Variants in ADAMTS3 observed in about 807,000 individuals in gnomAD.
ADAMTS3 encodes ADAM metallopeptidase with thrombospondin type 1 motif 3, also known as A disintegrin and metalloproteinase with thrombospondin motifs 3.
A neutral mutation model predicts 129.0 loss-of-function variants in ADAMTS3; 73 were observed. The observed-to-expected ratio is 0.57, with a 90% confidence interval of 0.47 to 0.69. ADAMTS3 has a LOEUF of 0.69. Among genes scored for constraint, ADAMTS3 ranks in the 30% least tolerant of loss-of-function variants. The pLI is 0.00. For synonymous variants in ADAMTS3, 477 were observed against 510.8 expected (o/e 0.93, Z 0.89); for missense variants, 1,457 against 1,514.5 (o/e 0.96, Z 0.63).
chr4:72,358,939 G>T (rs1449943239), intron 4 of ADAMTS3, among the ~76,000 whole-genome samples: 2 of 151,892 alleles, frequency 1.3e-5, no homozygotes, highest in Non-Finnish European at 2.9e-5. Context: ...TACCTAGGCT[G>T]AGTGAAAGGC....
chr4:72,314,258 T>A (rs555668778), intron 11 of ADAMTS3, among the ~76,000 whole-genome samples: 9 of 152,320 alleles, frequency 5.9e-5, no homozygotes, highest in African/African-American at 2.2e-4. Flanking sequence ...TAATATAACA[T>A]GTCTAAAACA....
chr4:72,314,583 C>T (rs6821609), intron 11 of ADAMTS3, among the ~76,000 whole-genome samples: 8,279 of 152,100 alleles, frequency 0.054, 774 homozygotes, highest in African/African-American at 0.19. Context: ...AACTCAACTT[C>T]TATAAATTTC....
At chr4:72,511,003 A>C (rs1720300436) in intron 3 of ADAMTS3, among the ~76,000 whole-genome samples, 1 of 152,132 alleles carries the variant, frequency 6.6e-6, no homozygotes, top group South Asian at 2.1e-4. Context: ...TTTCTACAAA[A>C]GTGCCAAGAA....
intron 8 of ADAMTS3, 102 bp downstream of exon 8, chr4:72,319,756 A>G (rs1719503467): frequency 2.0e-6 from 2 of 1,003,960 alleles, no homozygotes; most frequent in South Asian, 2.9e-5. Flanking sequence ...AAAGACAAGA[A>G]TTGTATGCTG....
intron 3 of ADAMTS3, among the ~76,000 whole-genome samples, chr4:72,547,614 T>C (rs182817779): frequency 7.2e-5 from 11 of 152,184 alleles, no homozygotes; most frequent in African/African-American, 2.7e-4. Flanking sequence ...TCTCAAACTA[T>C]CTATGGTGAA....
intron 3 of ADAMTS3, among the ~76,000 whole-genome samples, chr4:72,516,635 C>T (rs1202605613): frequency 2.0e-5 from 3 of 152,002 alleles, no homozygotes; most frequent in Non-Finnish European, 2.9e-5. Context: ...TGGCTCTCTG[C>T]TAGTCCGTTA....
At chr4:72,519,639 A>C (rs1215251997) in intron 3 of ADAMTS3, among the ~76,000 whole-genome samples, 1 of 152,088 alleles carries the variant, frequency 6.6e-6, no homozygotes, top group Non-Finnish European at 1.5e-5. Context: ...TCGGCTCCTG[A>C]GGCTTCTGCA....
At chr4:72,547,859 C>T (rs1721504335) in intron 3 of ADAMTS3, among the ~76,000 whole-genome samples, 1 of 152,098 alleles carries the variant, frequency 6.6e-6, no homozygotes, top group South Asian at 2.1e-4. Context: ...TGTCACAAAC[C>T]TGAGTCTACG....
chr4:72,433,686 C>T (rs945093284), intron 3 of ADAMTS3, among the ~76,000 whole-genome samples: 5 of 151,802 alleles, frequency 3.3e-5, no homozygotes, highest in African/African-American at 9.7e-5. Flanking sequence ...TGTGCTACTA[C>T]CAAAATATGT....
chr4:72,430,675 G>A (rs1327721250), intron 3 of ADAMTS3, among the ~76,000 whole-genome samples: 1 of 151,886 alleles, frequency 6.6e-6, no homozygotes, highest in Non-Finnish European at 1.5e-5. Flanking sequence ...TACAACGATG[G>A]AAAACTGCAA....
chr4:72,423,251 T>C (rs1279139345), intron 3 of ADAMTS3, among the ~76,000 whole-genome samples: 2 of 152,192 alleles, frequency 1.3e-5, no homozygotes, highest in African/African-American at 4.8e-5. Context: ...TACAACCTTA[T>C]ACTAGTTCAT....
At chr4:72,411,797 T>G (rs1227224020) in intron 4 of ADAMTS3, among the ~76,000 whole-genome samples, 2 of 152,122 alleles carry the variant, frequency 1.3e-5, no homozygotes, top group Non-Finnish European at 2.9e-5. Context: ...AATTCTCTAG[T>G]CTTCTAGATT....
In ADAMTS3 at chr4:72,320,043, G is replaced by A. The variant is rs1206695742; in HGVS notation, c.1103-80C>T. The A allele has an allele frequency of 3.4e-6, 4 of 1,173,680 alleles. No individual in the cohort carries two copies. In the African/African-American group the frequency reaches 4.6e-5, roughly 14 times the overall value. The allele number at this position is 1,173,680 out of a possible 1,614,324, so 72.7% of individuals were successfully genotyped here. A position where few individuals can be genotyped will look rare whatever the true frequency, so the allele number is the denominator to read the frequency against. On this transcript the variant is annotated intron_variant, in intron 7 of 21. Transcript: ENST00000286657. ...ATTACAACTGGACTTTTGCCTAGGG[G>A]GAAAAAAGTAAAAGCCTTTCAGGAA...
chr4:72,377,686 G>A (rs1373527275), intron 4 of ADAMTS3, among the ~76,000 whole-genome samples: 1 of 152,130 alleles, frequency 6.6e-6, no homozygotes, highest in African/African-American at 2.4e-5. Context: ...CTGCCACCTT[G>A]GGCTGCTTAG....
chr4:72,451,451 T>TA (rs1328283925), intron 3 of ADAMTS3, among the ~76,000 whole-genome samples: 1 of 151,740 alleles, frequency 6.6e-6, no homozygotes, highest in Non-Finnish European at 1.5e-5. Context: ...AGAAAATACA[T>TA]AAAATCTACA....
intron 20 of ADAMTS3, among the ~76,000 whole-genome samples, chr4:72,289,892 T>C (rs1718612628): frequency 6.6e-6 from 1 of 152,176 alleles, no homozygotes; most frequent in African/African-American, 2.4e-5. Flanking sequence ...ACTTTTGTTC[T>C]TTATAAATTA....
At chr4:72,318,454 A>C (rs969884027) in intron 10 of ADAMTS3, 118 bp downstream of exon 10, 2 of 1,100,320 alleles carry the variant, frequency 1.8e-6, no homozygotes, top group African/African-American at 3.2e-5. Context: ...CACAATGAAC[A>C]CAAAATAACT....
At chr4:72,394,915 T>C (rs1461193858) in intron 4 of ADAMTS3, among the ~76,000 whole-genome samples, 3 of 151,858 alleles carry the variant, frequency 2.0e-5, no homozygotes, top group Non-Finnish European at 4.4e-5. Context: ...CTCCAACATA[T>C]ACGCACATTT....
At chr4:72,393,699 A>T (rs1458068381) in intron 4 of ADAMTS3, among the ~76,000 whole-genome samples, 3 of 152,342 alleles carry the variant, frequency 2.0e-5, no homozygotes, top group Non-Finnish European at 4.4e-5. Flanking sequence ...AAAATAAAAA[A>T]GATGTAGAGA....
Sources: gnomAD v4.1 joint callset for allele counts (sites outside exome capture counted in the v4.1 genomes callset) on GRCh38, gnomAD v4.1.1 for gene constraint, MANE v1.5 for transcripts, NCBI Gene and HGNC (gene_info 2026-07-23, HGNC 2026-07-21) for gene names.